The following CCDC171 variants were observed in gnomAD, a reference collection of about 807,000 sequenced individuals.
CCDC171 encodes coiled-coil domain-containing protein 171.
CCDC171 carries 177 observed loss-of-function variants against 168.2 expected under a neutral mutation model. The observed-to-expected ratio is 1.05, with a 90% confidence interval of 0.93 to 1.19. CCDC171 has a LOEUF of 1.19. Among genes scored for constraint, CCDC171 ranks in the 50% most tolerant of loss-of-function variants. The pLI, the probability that CCDC171 is intolerant of heterozygous loss-of-function variation, is 0.00. For synonymous variants in CCDC171, 687 were observed against 540.8 expected (o/e 1.27, Z -3.75); for missense variants, 1,991 against 1,539.0 (o/e 1.29, Z -4.91).
chr9:15,674,875 T>A (rs1473491307), intron 9 of CCDC171, among the ~76,000 whole-genome samples: 1 of 152,186 alleles, frequency 6.6e-6, no homozygotes, highest in Non-Finnish European at 1.5e-5. Flanking sequence ...GTCTGTTAGG[T>A]CTGCTTGGTG....
At chr9:15,974,588 C>T (rs956917092), downstream of CCDC171, among the ~76,000 whole-genome samples, 2 of 152,074 alleles carry the variant, frequency 1.3e-5, no homozygotes, top group Non-Finnish European at 2.9e-5. Flanking sequence ...GTTCTGATAC[C>T]TGAGTCACAC....
At chr9:15,853,615 A>T (rs894423925) in intron 23 of CCDC171, among the ~76,000 whole-genome samples, 1 of 151,590 alleles carries the variant, frequency 6.6e-6, no homozygotes, top group Non-Finnish European at 1.5e-5. Context: ...ATCTGGCTAG[A>T]ACATCCAGTA....
chr9:15,926,067 A>G (rs910013277), intron 25 of CCDC171, among the ~76,000 whole-genome samples: 1 of 73,382 alleles, frequency 1.4e-5, no homozygotes, highest in Admixed American at 1.8e-4. Flanking sequence ...ATAGGCATAT[A>G]AAAAAATCTG....
intron 3 of CCDC171, among the ~76,000 whole-genome samples, chr9:15,573,429 G>A (rs1459328260): frequency 2.0e-5 from 3 of 151,900 alleles, no homozygotes; most frequent in Non-Finnish European, 2.9e-5. Context: ...CTACAGGCAC[G>A]TGCCACCATG....
exon 5 of CCDC171, chr9:16,022,386 T>C (rs1365585946): frequency 6.6e-6 from 1 of 152,220 alleles, no homozygotes; most frequent in African/African-American, 2.4e-5. Context: ...TAGGTGACTG[T>C]GGCTACTATG....
intron 23 of CCDC171, among the ~76,000 whole-genome samples, chr9:15,856,900 T>G (rs1349681955): frequency 6.6e-6 from 1 of 152,062 alleles, no homozygotes; most frequent in East Asian, 1.9e-4. Flanking sequence ...GTAATAGTCA[T>G]CCTAATAGGT....
intron 3 of CCDC171, among the ~76,000 whole-genome samples, chr9:16,011,731 C>A (rs1688743915): frequency 6.6e-6 from 1 of 152,124 alleles, no homozygotes; most frequent in Admixed American, 6.5e-5. Flanking sequence ...GATAAAAATG[C>A]AAAATAAGAT....
chr9:16,053,889 C>T (rs553486945), intron 1 of CCDC171, among the ~76,000 whole-genome samples: 7 of 152,310 alleles, frequency 4.6e-5, no homozygotes, highest in African/African-American at 1.7e-4. Flanking sequence ...TTCTCATGGC[C>T]ATGCTGCCTG....
the CCDC171 span, among the ~76,000 whole-genome samples, chr9:16,078,136 C>A: frequency 2.0e-5 from 3 of 151,770 alleles, no homozygotes; most frequent in East Asian, 1.9e-4. Flanking sequence ...GGCTTGATTG[C>A]GGTCATTTCA....
intron 18 of CCDC171, among the ~76,000 whole-genome samples, chr9:15,764,782 T>A (rs1001417193): frequency 5.9e-5 from 9 of 152,214 alleles, no homozygotes; most frequent in African/African-American, 2.2e-4. Flanking sequence ...TGTAGGGTAG[T>A]GATTTTAACC....
chr9:15,793,184 A>T (rs971897279), intron 21 of CCDC171, among the ~76,000 whole-genome samples: 70 of 152,126 alleles, frequency 4.6e-4, no homozygotes, highest in Non-Finnish European at 8.2e-4. Flanking sequence ...CTAGTCTCTG[A>T]TAAAACAGAC....
chr9:15,823,563 C>G (rs952412302), intron 21 of CCDC171, among the ~76,000 whole-genome samples: 1 of 151,992 alleles, frequency 6.6e-6, no homozygotes, highest in Non-Finnish European at 1.5e-5. Context: ...TGTTAAGATA[C>G]ATAATATTGC....
chr9:15,876,221 A>G (rs1379487363), intron 24 of CCDC171: 1 of 152,130 alleles, frequency 6.6e-6, no homozygotes, highest in African/African-American at 2.4e-5. Context: ...TAAAAATATT[A>G]GACTCCCACC....
At chr9:15,575,125 AAGAG>A (rs1209421252) in intron 3 of CCDC171, among the ~76,000 whole-genome samples, 2 of 151,880 alleles carry the variant, frequency 1.3e-5, no homozygotes, top group East Asian at 3.9e-4. Context: ...ATAAATTAGA[AAGAG>A]AGAGGGTAAA....
intron 3 of CCDC171, among the ~76,000 whole-genome samples, chr9:15,998,922 T>G (rs1423277186): frequency 2.0e-5 from 3 of 152,140 alleles, no homozygotes; most frequent in Admixed American, 6.5e-5. Flanking sequence ...GAATTTCTCA[T>G]TCCCCAAAGC....
chr9:15,894,910 C>A (rs1186468993), intron 24 of CCDC171, among the ~76,000 whole-genome samples: 1 of 152,128 alleles, frequency 6.6e-6, no homozygotes, highest in Non-Finnish European at 1.5e-5. Flanking sequence ...GCTTTATATA[C>A]TTTACCACAG....
At chr9:16,092,827 G>C in the CCDC171 span, among the ~76,000 whole-genome samples, 1 of 152,196 alleles carries the variant, frequency 6.6e-6, no homozygotes, top group Non-Finnish European at 1.5e-5. Context: ...GCTTATTTCA[G>C]ACCTGTGTCC....
intron 7 of CCDC171, among the ~76,000 whole-genome samples, chr9:15,634,072 G>A (rs1218663300): frequency 1.3e-5 from 2 of 152,110 alleles, no homozygotes; most frequent in African/African-American, 2.4e-5. Flanking sequence ...TACACCTAAT[G>A]CTAAATGATG....
At chr9:16,016,665 G>C (rs1296681630) in intron 3 of CCDC171, among the ~76,000 whole-genome samples, 1 of 152,138 alleles carries the variant, frequency 6.6e-6, no homozygotes, top group Admixed American at 6.6e-5. Flanking sequence ...TGTGTTGCTG[G>C]TGTCTGTTGG....
Sources: gnomAD v4.1 joint callset for allele counts (sites outside exome capture counted in the v4.1 genomes callset) on GRCh38, gnomAD v4.1.1 for gene constraint, MANE v1.5 for transcripts, NCBI Gene and HGNC (gene_info 2026-07-23, HGNC 2026-07-21) for gene names.